Variants in PARD3B observed in about 807,000 individuals in gnomAD.
The protein encoded by PARD3B is partitioning defective 3 homolog B.
In PARD3B, 103 loss-of-function variants were observed where a neutral mutation model predicts 130.2. That is an observed-to-expected ratio of 0.79 (90% confidence interval 0.67 to 0.93). PARD3B has a LOEUF of 0.93. Ranked by LOEUF, PARD3B falls within the 40% of genes least tolerant of loss-of-function variation. PARD3B has a pLI of 0.00. For missense variants in PARD3B, 1,609 were observed against 1,499.2 expected, an observed-to-expected ratio of 1.07 and a Z score of -1.21; for synonymous variants, 583 against 553.2, an observed-to-expected ratio of 1.05 and a Z score of -0.76.
At position 205,618,996 on chromosome 2, in the gene PARD3B, T is replaced by G. The variant is rs1269368021; in HGVS notation, c.*3183T>G. 6 of 152,222 alleles carry G rather than the reference T, an allele frequency of 3.9e-5. No homozygotes were observed. Among genetic ancestry groups the G allele is most frequent in the Admixed American group, 3.3e-4 (5 of 15,274 alleles). 9.4% of individuals were successfully genotyped at this position (152,222 alleles called of 1,614,324 possible). A position where few individuals can be genotyped will look rare whatever the true frequency, so the allele number is the denominator to read the frequency against. On this transcript the variant is annotated 3_prime_UTR_variant, in exon 23 of 23. Transcript: ENST00000406610. Reference sequence around the variant, plus strand: ...TATATATGTGTTGACTCCCACAGGATGGCACCAAGTAAAGATCTTAAGAGC... The same window carrying G: ...TATATATGTGTTGACTCCCACAGGAGGGCACCAAGTAAAGATCTTAAGAGC...
chr2:205,111,325 G>A (rs950962099), intron 5 of PARD3B, among the ~76,000 whole-genome samples: 2 of 151,870 alleles, frequency 1.3e-5, no homozygotes, highest in Non-Finnish European at 2.9e-5. Flanking sequence ...GTGTGTAATG[G>A]TAGAATAAAA....
In PARD3B at chr2:205,302,065, CT is replaced by C. The variant is rs3048088; in HGVS notation, c.2630+387del. Among the ~76,000 whole-genome samples, 26 of 77,776 alleles carry C rather than the reference CT, an allele frequency of 3.3e-4. No homozygotes were observed. The East Asian group carries it at 5.9e-3, about 18-fold the overall frequency. 51.0% of individuals were successfully genotyped at this position (77,776 alleles called of 152,430 possible). A position where few individuals can be genotyped will look rare whatever the true frequency, so the allele number is the denominator to read the frequency against. On this transcript the variant is annotated intron_variant, in intron 18 of 22. Coordinates refer to ENST00000406610, the MANE Select transcript of PARD3B (RefSeq NM_001302769.2). ...CTATTCTTTTTTTCTTTTTTCTTTT[CT>C]TTTTTTTTTTTTTTTTTTTTTTGAG...
chr2:205,370,623 C>CCT (rs1213907192), intron 18 of PARD3B, among the ~76,000 whole-genome samples: 1 of 152,206 alleles, frequency 6.6e-6, no homozygotes, highest in African/African-American at 2.4e-5. Flanking sequence ...TTCATTCTGT[C>CCT]CTCTTCCTGA....
intron 2 of PARD3B, among the ~76,000 whole-genome samples, chr2:204,870,810 A>G (rs1474557831): frequency 6.6e-6 from 1 of 152,142 alleles, no homozygotes; most frequent in African/African-American, 2.4e-5. Context: ...TTTTATTTGG[A>G]AACTAGTTAA....
intron 22 of PARD3B, among the ~76,000 whole-genome samples, chr2:205,614,618 A>T (rs2055353658): frequency 6.6e-6 from 1 of 151,998 alleles, no homozygotes; most frequent in African/African-American, 2.4e-5. Flanking sequence ...AGGTGGGAGA[A>T]TCGCTTGAAC....
rs577443402 is a variant in PARD3B at position 204,878,776 on chromosome 2, G to T, written c.223-86376G>T. ...AATGTGAAGTGGGTCCTGCTGTTTGGTATATCAGGATTAAGAGCAGAACTT... is the reference window on the plus strand; with the variant it reads ...AATGTGAAGTGGGTCCTGCTGTTTGTTATATCAGGATTAAGAGCAGAACTT... On this transcript the variant is annotated intron_variant, in intron 2 of 22. Coordinates refer to ENST00000406610, the MANE Select transcript of PARD3B (RefSeq NM_001302769.2). 2.6e-4 allele frequency among the ~76,000 whole-genome samples: 40 copies of T among 152,256 alleles called. No individual in the cohort carries two copies. In the South Asian group the frequency reaches 8.1e-3, roughly 31 times the overall value.
At chr2:205,546,160 C>T (rs1366401738) in intron 21 of PARD3B, among the ~76,000 whole-genome samples, 1 of 152,198 alleles carries the variant, frequency 6.6e-6, no homozygotes, top group East Asian at 1.9e-4. Context: ...AGGCTTGTCA[C>T]AGGCTGTCAT....
intron 21 of PARD3B, among the ~76,000 whole-genome samples, chr2:205,543,722 C>T (rs982386550): frequency 3.9e-5 from 6 of 152,144 alleles, no homozygotes; most frequent in African/African-American, 9.7e-5. Context: ...AATGGTAGCA[C>T]GATTGCAACT....
In PARD3B at chr2:205,428,984, C is replaced by G. The variant is rs575683373; in HGVS notation, c.2742-11386C>G. On this transcript the variant is annotated intron_variant, in intron 19 of 22. Coordinates refer to ENST00000406610, the MANE Select transcript of PARD3B (RefSeq NM_001302769.2). Reference sequence around the variant, plus strand: ...AGGAATACAAGATACTCAACATAAACCTGGAACTACTTATTTGTGGTAAAG... The same window carrying G: ...AGGAATACAAGATACTCAACATAAAGCTGGAACTACTTATTTGTGGTAAAG... Among the ~76,000 whole-genome samples the G allele has an allele frequency of 8.5e-4, 129 of 152,206 alleles. 2 individuals carry two copies. Among genetic ancestry groups the G allele is most frequent in the Non-Finnish European group, 1.9e-4 (13 of 68,020 alleles).
At chr2:204,604,087 A>C (rs1429011039) in intron 1 of PARD3B, among the ~76,000 whole-genome samples, 1 of 152,192 alleles carries the variant, frequency 6.6e-6, no homozygotes, top group African/African-American at 2.4e-5. Flanking sequence ...CTGAGAAGAC[A>C]ACTGTGGAGG....
At chr2:204,803,891 C>T (rs1305210867) in intron 2 of PARD3B, among the ~76,000 whole-genome samples, 1 of 152,128 alleles carries the variant, frequency 6.6e-6, no homozygotes, top group African/African-American at 2.4e-5. Context: ...AGACTAAACT[C>T]TGCAATCAAA....
intron 15 of PARD3B, among the ~76,000 whole-genome samples, chr2:205,215,665 A>G (rs2037870415): frequency 6.6e-6 from 1 of 152,152 alleles, no homozygotes; most frequent in African/African-American, 2.4e-5. Context: ...AGTGGTACAG[A>G]ACATGCTTGT....
At chr2:204,987,252 T>C (rs1216305647) in intron 3 of PARD3B, among the ~76,000 whole-genome samples, 2 of 152,176 alleles carry the variant, frequency 1.3e-5, no homozygotes, top group Non-Finnish European at 2.9e-5. Flanking sequence ...AATAAATGTG[T>C]TTTTAAGATG....
intron 22 of PARD3B, 62 bp from the exon 23 acceptor site, chr2:205,615,394 T>G: frequency 7.1e-7 from 1 of 1,415,692 alleles, no homozygotes; most frequent in Non-Finnish European, 9.6e-7. Flanking sequence ...CTGAGGAACA[T>G]GTTCTCCAGC....
At chr2:204,781,159 G>A (rs897463602) in intron 2 of PARD3B, among the ~76,000 whole-genome samples, 23 of 152,074 alleles carry the variant, frequency 1.5e-4, no homozygotes, top group African/African-American at 5.3e-4. Context: ...TATAGATCAT[G>A]AGCTGCATCC....
At chr2:205,042,800 A>G (rs1698483477) in intron 3 of PARD3B, among the ~76,000 whole-genome samples, 3 of 151,706 alleles carry the variant, frequency 2.0e-5, no homozygotes, top group Non-Finnish European at 2.9e-5. Flanking sequence ...GATGAACACC[A>G]TGACTGCTGA....
intron 3 of PARD3B, among the ~76,000 whole-genome samples, chr2:205,025,489 A>G (rs1479144551): frequency 6.6e-6 from 1 of 152,170 alleles, no homozygotes; most frequent in Admixed American, 6.5e-5. Context: ...TCCCAATTAG[A>G]CAAATGAATT....
intron 6 of PARD3B, among the ~76,000 whole-genome samples, chr2:205,114,675 C>T (rs538842118): frequency 6.6e-6 from 1 of 151,732 alleles, no homozygotes; most frequent in South Asian, 2.1e-4. Context: ...GCGAAAAGAA[C>T]AGATTTAGTC....
intron 21 of PARD3B, among the ~76,000 whole-genome samples, chr2:205,509,726 C>G (rs1439483246): frequency 6.6e-6 from 1 of 152,238 alleles, no homozygotes; most frequent in East Asian, 1.9e-4. Context: ...CTGGATTCTC[C>G]AGCGCTTCTG....
Sources: allele counts gnomAD v4.1 joint callset (sites outside exome capture counted in the v4.1 genomes callset), GRCh38; gene constraint gnomAD v4.1.1; transcripts MANE v1.5; gene names NCBI Gene and HGNC (gene_info 2026-07-23, HGNC 2026-07-21).